HDAC8: variants seen among roughly 807,000 people sequenced by gnomAD.
HDAC8 encodes histone deacetylase 8.
A neutral mutation model predicts 32.2 loss-of-function variants in HDAC8; 1 was observed. The observed-to-expected ratio is 0.03, with a 90% CI of 0.01 to 0.15. The LOEUF is 0.15. HDAC8 is among the 10% of genes least tolerant of loss of function. The pLI, the probability that HDAC8 is intolerant of heterozygous loss-of-function variation, is 1.00. For missense variants in HDAC8, 117 were observed against 300.0 expected (o/e 0.39, Z 4.51); for synonymous variants, 108 against 113.9 (o/e 0.95, Z 0.33).
At chrX:72,430,748 C>A (rs1171550936) in intron 9 of HDAC8, among the ~76,000 whole-genome samples, 5 of 111,485 alleles carry the variant, frequency 4.5e-5, no homozygotes, top group Non-Finnish European at 9.4e-5. Context: ...TATTAAGAGC[C>A]CAATAAATGT....
chrX:72,485,830 G>GATGA (rs2048653246), intron 7 of HDAC8, among the ~76,000 whole-genome samples: 1 of 111,623 alleles, frequency 9.0e-6, no homozygotes, highest in Admixed American at 9.5e-5. Flanking sequence ...AAATAAAAAG[G>GATGA]ATGAAAAGGG....
At chrX:72,557,201 TCAAA>T (rs1839404141) in intron 4 of HDAC8, among the ~76,000 whole-genome samples, 2 of 111,111 alleles carry the variant, frequency 1.8e-5, no homozygotes, top group Non-Finnish European at 3.8e-5. Context: ...AGACTCCACC[TCAAA>T]CAAACAAACA....
At chrX:72,563,064 T>C (rs1556124925) in intron 4 of HDAC8, among the ~76,000 whole-genome samples, 1 of 109,350 alleles carries the variant, frequency 9.1e-6, no homozygotes, top group African/African-American at 3.3e-5. Flanking sequence ...GTATTTTTAG[T>C]AGAGGCAAGG....
chrX:72,411,027 TTTC>T (rs1280963286), intron 9 of HDAC8, among the ~76,000 whole-genome samples: 3 of 8,434 alleles, frequency 3.6e-4, no homozygotes, highest in East Asian at 7.4e-3. Context: ...CTTTTCTTTC[TTTC>T]TTTTTTTTTT....
intron 9 of HDAC8, among the ~76,000 whole-genome samples, chrX:72,359,771 G>A (rs1555951874): frequency 9.0e-6 from 1 of 110,984 alleles, no homozygotes; most frequent in African/African-American, 3.3e-5. Context: ...ATACTGTGAT[G>A]GGGCTGAGCG....
At chrX:72,463,651 G>A (rs1434824319) in intron 8 of HDAC8, among the ~76,000 whole-genome samples, 3 of 111,826 alleles carry the variant, frequency 2.7e-5, no homozygotes, top group Non-Finnish European at 3.8e-5. Context: ...GTTGTCTCTT[G>A]TAAGTACCTT....
At chrX:72,525,223 G>A (rs1386173002) in intron 4 of HDAC8, among the ~76,000 whole-genome samples, 1 of 112,054 alleles carries the variant, frequency 8.9e-6, no homozygotes. Context: ...AGCAGGCCAC[G>A]TATCTTAATT....
chrX:72,482,193 T>C (rs1193311212), intron 7 of HDAC8, among the ~76,000 whole-genome samples: 2 of 111,330 alleles, frequency 1.8e-5, no homozygotes, highest in Non-Finnish European at 3.8e-5. Flanking sequence ...AGAGGTGGTA[T>C]AAATTTTGCC....
At chrX:72,545,224 G>A (rs1417459974) in intron 4 of HDAC8, among the ~76,000 whole-genome samples, 1 of 111,993 alleles carries the variant, frequency 8.9e-6, no homozygotes, top group African/African-American at 3.3e-5. Context: ...AATGGCATAT[G>A]GACAAAGGGT....
At chrX:72,331,174 T>G (rs2043513762) in intron 10 of HDAC8, among the ~76,000 whole-genome samples, 1 of 110,030 alleles carries the variant, frequency 9.1e-6, no homozygotes, top group Non-Finnish European at 1.9e-5. Flanking sequence ...CTCGATCTCT[T>G]GATCTCGTGA....
chrX:72,357,123 G>T (rs370690882), intron 9 of HDAC8, among the ~76,000 whole-genome samples: 2 of 109,401 alleles, frequency 1.8e-5, no homozygotes, highest in East Asian at 5.8e-4. Context: ...ACAGTAAATT[G>T]CATGTGGGGA....
chrX:72,557,751 A>G (rs1556099569), intron 4 of HDAC8, among the ~76,000 whole-genome samples: 1 of 111,731 alleles, frequency 9.0e-6, no homozygotes, highest in Non-Finnish European at 1.9e-5. Flanking sequence ...ACTAAATGAA[A>G]CTGAAACAAA....
chrX:72,490,696 A>G (rs2048841982), intron 6 of HDAC8, among the ~76,000 whole-genome samples: 1 of 107,700 alleles, frequency 9.3e-6, no homozygotes, highest in South Asian at 4.3e-4. Context: ...TGGCACGTGT[A>G]TACATATGTA....
rs185787069 is a variant in HDAC8 at position 72,373,932 on chromosome X, T to A, written c.1006-22094A>T. Among the ~76,000 whole-genome samples, 5 of 112,490 alleles carry A rather than the reference T, an allele frequency of 4.4e-5. No individual in the cohort carries two copies. In the East Asian group the frequency reaches 1.4e-3, roughly 31 times the overall value. ...ATTTCATAGTGGTTTGGGATTTGCA[T>A]TTCCCTAATGACTAATGATGTCAGG... On this transcript the variant is annotated intron_variant, in intron 9 of 10. Coordinates refer to ENST00000373573, the MANE Select transcript of HDAC8 (RefSeq NM_018486.3).
At chrX:72,568,135 A>G in intron 3 of HDAC8, 105 bp from the exon 4 acceptor site, 1 of 644,934 alleles carries the variant, frequency 1.6e-6, no homozygotes. Context: ...CCACTGTGCT[A>G]ATATCAGCTC....
At chrX:72,378,982 C>T (rs1313587087) in intron 9 of HDAC8, among the ~76,000 whole-genome samples, 1 of 109,774 alleles carries the variant, frequency 9.1e-6, no homozygotes, top group Non-Finnish European at 1.9e-5. Context: ...CTGAGCCTCC[C>T]GAGTAGCTGG....
At chrX:72,401,399 T>G (rs1297756338) in intron 9 of HDAC8, among the ~76,000 whole-genome samples, 2 of 111,376 alleles carry the variant, frequency 1.8e-5, no homozygotes. Flanking sequence ...CATGCCCAGC[T>G]AATTTTTTTT....
chrX:72,572,191 C>T, intron 1 of HDAC8, 82 bp from the exon 2 acceptor site: 12 of 925,595 alleles, frequency 1.3e-5, no homozygotes, highest in Non-Finnish European at 1.5e-5. Flanking sequence ...CCCCGTCAAT[C>T]TCACCATCCT....
intron 9 of HDAC8, among the ~76,000 whole-genome samples, chrX:72,415,633 CCAGTA>C (rs1473753070): frequency 9.0e-6 from 1 of 111,582 alleles, no homozygotes; most frequent in Admixed American, 9.5e-5. Flanking sequence ...GCATACATAT[CCAGTA>C]CATGTTTTGT....
Sources: allele counts gnomAD v4.1 joint callset (sites outside exome capture counted in the v4.1 genomes callset), GRCh38; gene constraint gnomAD v4.1.1; transcripts MANE v1.5; gene names NCBI Gene and HGNC (gene_info 2026-07-23, HGNC 2026-07-21).